Variants in METAP2 observed in about 807,000 individuals in gnomAD.
METAP2 encodes the protein methionine aminopeptidase 2.
Under a neutral mutation model 59.4 loss-of-function variants are expected in METAP2, and 25 were observed. That is an observed-to-expected ratio of 0.42 (90% CI 0.31 to 0.59). The LOEUF (loss-of-function observed/expected upper bound fraction) is 0.59, where lower values mean the gene tolerates loss of function less well. Among genes scored for constraint, METAP2 ranks in the 20% least tolerant of loss-of-function variants. The pLI is 0.16. For missense variants in METAP2, 366 were observed against 581.2 expected (o/e 0.63, Z 3.81); for synonymous variants, 214 against 194.1 (o/e 1.10, Z -0.85).
intron 8 of METAP2, among the ~76,000 whole-genome samples, chr12:95,506,043 G>C (rs2076356703): frequency 6.6e-6 from 1 of 151,578 alleles, no homozygotes; most frequent in Admixed American, 6.6e-5. Context: ...GTTGCAGTGA[G>C]TCAAGATTGC....
intron 4 of METAP2, among the ~76,000 whole-genome samples, chr12:95,487,395 G>T (rs374974002): frequency 6.6e-6 from 1 of 151,770 alleles, no homozygotes; most frequent in Admixed American, 6.6e-5. Context: ...TTCCAGTTAC[G>T]AATGTTCTTA....
rs564680381 is a variant in METAP2 at position 95,492,673 on chromosome 12, C to A, written c.429-1383C>A. Among the ~76,000 whole-genome samples the A allele has an allele frequency of 3.9e-5, 6 of 152,100 alleles. No homozygotes were observed. In the East Asian group the frequency reaches 1.2e-3, roughly 29 times the overall value. ...CTTGAACTTCTGGGCTCAAGTGATC[C>A]TCTTGCCTCAGACTCCTGAGTAGCT... is the stretch of plus-strand genomic sequence containing the variant. On this transcript the variant is annotated intron_variant, in intron 4 of 10. Transcript: ENST00000323666.
chr12:95,486,320 C>A (rs1160768458), intron 4 of METAP2, among the ~76,000 whole-genome samples: 1 of 151,968 alleles, frequency 6.6e-6, no homozygotes, highest in Admixed American at 6.6e-5. Context: ...ATCTACAATT[C>A]CATTTGGGAT....
chr12:95,487,421 G>A (rs2076205337), intron 4 of METAP2, among the ~76,000 whole-genome samples: 1 of 152,036 alleles, frequency 6.6e-6, no homozygotes, highest in African/African-American at 2.4e-5. Context: ...TAAGTGTAAA[G>A]TTCTGGAATT....
chr12:95,501,014 T>A (rs1246533229), intron 7 of METAP2, among the ~76,000 whole-genome samples: 1 of 146,120 alleles, frequency 6.8e-6, no homozygotes, highest in African/African-American at 2.5e-5. Context: ...GGGATTTTTT[T>A]TTTTTTTTTT....
chr12:95,488,696 C>A (rs2076216120), intron 4 of METAP2, among the ~76,000 whole-genome samples: 1 of 151,556 alleles, frequency 6.6e-6, no homozygotes, highest in Non-Finnish European at 1.5e-5. Context: ...TTAAATAATC[C>A]CTCCTACTGA....
At chr12:95,474,448 C>T in intron 1 of METAP2, 118 bp downstream of exon 1, 2 of 1,127,786 alleles carry the variant, frequency 1.8e-6, no homozygotes, top group South Asian at 1.6e-5. Flanking sequence ...GATTCTTGGG[C>T]CTGACAGGGT....
intron 4 of METAP2, among the ~76,000 whole-genome samples, chr12:95,493,466 C>A (rs548163321): frequency 1.3e-5 from 2 of 152,204 alleles, no homozygotes; most frequent in Non-Finnish European, 2.9e-5. Flanking sequence ...AGAGTAAGAC[C>A]CTGTCTCTTA....
chr12:95,506,478 T>G (rs2076361384), intron 8 of METAP2, among the ~76,000 whole-genome samples: 1 of 151,854 alleles, frequency 6.6e-6, no homozygotes, highest in African/African-American at 2.4e-5. Context: ...TTTTTGTATT[T>G]TTAGTAGAGA....
intron 8 of METAP2, among the ~76,000 whole-genome samples, chr12:95,511,389 GTTTTTTTTT>G (rs11301070): frequency 4.9e-5 from 3 of 61,118 alleles, no homozygotes; most frequent in African/African-American, 1.3e-4. Context: ...TTCTAGCACC[GTTTTTTTTT>G]TTTTTTTTTT....
At chr12:95,486,109 G>A in intron 4 of METAP2, 128 bp downstream of exon 4, 2 of 655,638 alleles carry the variant, frequency 3.1e-6, no homozygotes, top group Non-Finnish European at 5.0e-6. Context: ...TCATAAAGAA[G>A]ATACAGTAGA....
Position 95,486,622 on chromosome 12 carries a change from C to T in METAP2, c.428+641C>T, listed in dbSNP as rs147197551. On this transcript the variant is annotated intron_variant, in intron 4 of 10. Transcript: ENST00000323666. The stretch of plus-strand genomic sequence containing the variant: ...AAGTGATTCTCCTGCTCCAGCCTCC[C>T]GAGTAGCTGAGATTACACGCATGCA... Among the ~76,000 whole-genome samples, 208 of 152,032 alleles carry T rather than the reference C, an allele frequency of 1.4e-3. 1 individual carries two copies. The highest frequency in any genetic ancestry group is 2.3e-3 in the Non-Finnish European group (154 of 67,976).
intron 4 of METAP2, among the ~76,000 whole-genome samples, chr12:95,488,414 C>A: frequency 6.8e-6 from 1 of 146,556 alleles, no homozygotes; most frequent in East Asian, 2.0e-4. Context: ...GGGGCTGAGG[C>A]AGGAGAATCG....
chr12:95,499,655 TTAA>T (rs2076301176), intron 7 of METAP2, among the ~76,000 whole-genome samples: 1 of 151,366 alleles, frequency 6.6e-6, no homozygotes, highest in African/African-American at 2.4e-5. Flanking sequence ...TATTGACATT[TTAA>T]TAATACTAAG....
At chr12:95,480,969 A>G (rs541380710) in intron 2 of METAP2, among the ~76,000 whole-genome samples, 10 of 152,308 alleles carry the variant, frequency 6.6e-5, no homozygotes, top group Non-Finnish European at 8.8e-5. Context: ...GAAGTTTTAT[A>G]TATTTTTAGC....
At chr12:95,490,694 A>G (rs1457029714) in intron 4 of METAP2, among the ~76,000 whole-genome samples, 1 of 149,728 alleles carries the variant, frequency 6.7e-6, no homozygotes, top group African/African-American at 2.5e-5. Context: ...TTTAGTAGTT[A>G]TAGTAATGTT....
intron 2 of METAP2, among the ~76,000 whole-genome samples, chr12:95,479,580 A>G (rs577630926): frequency 9.9e-5 from 15 of 152,156 alleles, no homozygotes; most frequent in Non-Finnish European, 1.9e-4. Context: ...AGGCTCATTA[A>G]CATATAATTT....
chr12:95,492,657 CT>C (rs2076247767), intron 4 of METAP2, among the ~76,000 whole-genome samples: 2 of 151,974 alleles, frequency 1.3e-5, no homozygotes, highest in Non-Finnish European at 2.9e-5. Flanking sequence ...CCTTGAACTT[CT>C]GGGCTCAAGT....
chr12:95,476,509 C>CA (rs998083637), intron 2 of METAP2, among the ~76,000 whole-genome samples: 5 of 142,320 alleles, frequency 3.5e-5, no homozygotes, highest in East Asian at 2.0e-4. Flanking sequence ...AAGACTGTCT[C>CA]AAAAAAAAGA....
Sources: gnomAD v4.1 joint callset for allele counts (sites outside exome capture counted in the v4.1 genomes callset) on GRCh38, gnomAD v4.1.1 for gene constraint, MANE v1.5 for transcripts, NCBI Gene and HGNC (gene_info 2026-07-23, HGNC 2026-07-21) for gene names.